Variants in DTNB observed in about 807,000 individuals in gnomAD.
DTNB encodes the protein DTN-B.
A neutral mutation model predicts 90.7 loss-of-function variants in DTNB; 63 were observed. The ratio of observed to expected loss-of-function variants is 0.69; its 90% CI spans 0.57 to 0.86. DTNB has a LOEUF of 0.86. Among genes scored for constraint, DTNB ranks in the 40% least tolerant of loss-of-function variants. The pLI, the probability that DTNB is intolerant of heterozygous loss-of-function variation, is 0.00. For missense variants in DTNB, 744 were observed against 807.1 expected, an observed-to-expected ratio of 0.92 and a Z score of 0.95; for synonymous variants, 277 against 286.7, an observed-to-expected ratio of 0.97 and a Z score of 0.34.
chr2:25,648,993 C>CTTTTTTTTTT (rs60749102), intron 2 of DTNB, among the ~76,000 whole-genome samples: 16 of 93,988 alleles, frequency 1.7e-4, no homozygotes, highest in African/African-American at 6.5e-4. Flanking sequence ...TCCTTCCTAC[C>CTTTTTTTTTT]TTTTTTTTTT....
chr2:25,531,739 C>A, intron 8 of DTNB, 142 bp from the exon 9 acceptor site: 1 of 1,196,728 alleles, frequency 8.4e-7, no homozygotes, highest in Non-Finnish European at 1.1e-6. Flanking sequence ...TATCATTGGG[C>A]CTTTCAGAAA....
chr2:25,509,123 T>C (rs1168901712), intron 9 of DTNB, among the ~76,000 whole-genome samples: 1 of 152,220 alleles, frequency 6.6e-6, no homozygotes, highest in Non-Finnish European at 1.5e-5. Flanking sequence ...AATTTTAATA[T>C]TTCCTTTTCG....
At chr2:25,634,530 C>T (rs1305169622) in intron 3 of DTNB, among the ~76,000 whole-genome samples, 1 of 148,826 alleles carries the variant, frequency 6.7e-6, no homozygotes, top group Non-Finnish European at 1.5e-5. Flanking sequence ...GCCCCTCTGC[C>T]CGGCCACCAC....
intron 8 of DTNB, among the ~76,000 whole-genome samples, chr2:25,539,244 G>A (rs1429973568): frequency 6.6e-6 from 1 of 152,164 alleles, no homozygotes; most frequent in East Asian, 1.9e-4. Context: ...CCATGTATAA[G>A]AATTTTGTAA....
intron 3 of DTNB, among the ~76,000 whole-genome samples, chr2:25,638,781 G>T (rs2077609647): frequency 6.6e-6 from 1 of 152,098 alleles, no homozygotes; most frequent in Admixed American, 6.5e-5. Context: ...CCCATTTAAA[G>T]AACATTAATA....
intron 8 of DTNB, among the ~76,000 whole-genome samples, chr2:25,570,477 G>A (rs571680074): frequency 1.3e-5 from 2 of 150,406 alleles, no homozygotes; most frequent in East Asian, 1.9e-4. Context: ...TTATTCATTA[G>A]GAGACTTAGC....
At chr2:25,564,390 A>G (rs907010880) in intron 8 of DTNB, among the ~76,000 whole-genome samples, 1 of 151,142 alleles carries the variant, frequency 6.6e-6, no homozygotes, top group Non-Finnish European at 1.5e-5. Flanking sequence ...TCTTTTTGTT[A>G]TTTTTTTTGA....
intron 1 of DTNB, among the ~76,000 whole-genome samples, chr2:25,668,242 A>C (rs1275854596): frequency 2.0e-5 from 3 of 152,230 alleles, no homozygotes; most frequent in Non-Finnish European, 4.4e-5. Flanking sequence ...CAGTCTCAAA[A>C]AATAAAAATA....
intron 1 of DTNB, among the ~76,000 whole-genome samples, chr2:25,663,271 G>A (rs1384247262): frequency 6.6e-6 from 1 of 152,108 alleles, no homozygotes; most frequent in Non-Finnish European, 1.5e-5. Context: ...CACAGCATTC[G>A]ATGGTGTGTA....
At chr2:25,393,395 G>GAGAA (rs1016397021) in intron 16 of DTNB, among the ~76,000 whole-genome samples, 1 of 152,120 alleles carries the variant, frequency 6.6e-6, no homozygotes, top group Non-Finnish European at 1.5e-5. Context: ...AATCAGACAA[G>GAGAA]AGAAAGAAAG....
At chr2:25,612,767 T>TAAAG (rs70947895) in intron 4 of DTNB, among the ~76,000 whole-genome samples, 42,168 of 151,778 alleles carry the variant, frequency 0.28, 6,603 homozygotes, top group Non-Finnish European at 0.37. Context: ...GCAGAAATAA[T>TAAAG]AAAGATTATT....
At chr2:25,501,066 T>A (rs935568229) in intron 9 of DTNB, among the ~76,000 whole-genome samples, 9 of 152,116 alleles carry the variant, frequency 5.9e-5, no homozygotes, top group African/African-American at 2.2e-4. Flanking sequence ...ACAGCATCCA[T>A]CAAATGTTCT....
intron 10 of DTNB, among the ~76,000 whole-genome samples, chr2:25,475,608 T>C (rs950030074): frequency 4.6e-5 from 7 of 152,246 alleles, no homozygotes; most frequent in African/African-American, 9.6e-5. Context: ...TTTGATGAGA[T>C]GAAACCGGCT....
intron 15 of DTNB, among the ~76,000 whole-genome samples, chr2:25,426,414 A>G (rs1477245971): frequency 2.6e-5 from 4 of 152,234 alleles, no homozygotes; most frequent in Non-Finnish European, 4.4e-5. Flanking sequence ...TAAATAGGCT[A>G]TAACTTCATA....
chr2:25,533,119 T>G (rs1274783042), intron 8 of DTNB, among the ~76,000 whole-genome samples: 2 of 150,568 alleles, frequency 1.3e-5, no homozygotes, highest in South Asian at 4.2e-4. Context: ...AGCCCAGGAG[T>G]TTGAGATCAG....
intron 4 of DTNB, among the ~76,000 whole-genome samples, chr2:25,617,068 T>C (rs1390981084): frequency 1.3e-5 from 2 of 152,034 alleles, no homozygotes; most frequent in South Asian, 2.1e-4. Flanking sequence ...AACAGCCACG[T>C]AGAAATCTCC....
chr2:25,503,690 G>A lies in DTNB; in HGVS notation c.1002-20817C>T, dbSNP rs188621057. On this transcript the variant is annotated intron_variant, in intron 9 of 20. Transcript: ENST00000406818. The stretch of plus-strand genomic sequence containing the variant: ...AGCACTTTGGGAGGCTGAGGTGGGC[G>A]GATCACGAGGTCAGGAGATCGAGAC... Among the ~76,000 whole-genome samples the A allele has an allele frequency of 4.0e-3, 602 of 150,116 alleles. 4 individuals are homozygous for A. The highest frequency in any genetic ancestry group is 0.014 in the African/African-American group (569 of 40,790).
intron 6 of DTNB, among the ~76,000 whole-genome samples, chr2:25,593,300 T>A (rs539233563): frequency 1.3e-5 from 2 of 152,334 alleles, no homozygotes; most frequent in Admixed American, 1.3e-4. Flanking sequence ...TGCATCAACA[T>A]TGTTTTCTAT....
chr2:25,519,496 T>C (rs921870109), intron 9 of DTNB, among the ~76,000 whole-genome samples: 1 of 152,054 alleles, frequency 6.6e-6, no homozygotes, highest in African/African-American at 2.4e-5. Context: ...AGATGAGCTA[T>C]GATCTAGGAA....
Sources: allele counts gnomAD v4.1 joint callset (sites outside exome capture counted in the v4.1 genomes callset), GRCh38; gene constraint gnomAD v4.1.1; transcripts MANE v1.5; gene names NCBI Gene and HGNC (gene_info 2026-07-23, HGNC 2026-07-21).